Variants in CD226 observed in about 807,000 individuals in gnomAD.
The protein encoded by CD226 is CD226 molecule.
A neutral mutation model predicts 34.9 loss-of-function variants in CD226; 24 were observed. The ratio of observed to expected loss-of-function variants is 0.69; its 90% confidence interval spans 0.50 to 0.97. The LOEUF (loss-of-function observed/expected upper bound fraction) is 0.97. Among genes scored for constraint, CD226 ranks in the 50% least tolerant of loss-of-function variants. CD226 has a pLI of 0.00. For missense variants in CD226, 397 were observed against 412.7 expected (o/e 0.96, Z 0.33); for synonymous variants, 148 against 147.4 (o/e 1.00, Z -0.03).
intron 2 of CD226, among the ~76,000 whole-genome samples, chr18:69,922,930 G>A (rs891798927): frequency 6.6e-6 from 1 of 152,078 alleles, no homozygotes. Context: ...TCAGGAGTTC[G>A]AGACCAGCCT....
chr18:69,883,916 G>C (rs1009847), intron 3 of CD226, among the ~76,000 whole-genome samples: 30,942 of 152,222 alleles, frequency 0.2, 3,792 homozygotes, highest in Middle Eastern at 0.38. Context: ...CACAGCTCAG[G>C]TTTATGACAG....
intron 1 of CD226, among the ~76,000 whole-genome samples, chr18:69,954,392 T>C (rs2055879404): frequency 2.6e-5 from 4 of 152,210 alleles, no homozygotes; most frequent in Non-Finnish European, 5.9e-5. Flanking sequence ...TATGTGCTTA[T>C]TAAACAAATG....
chr18:69,864,223 G>T lies in CD226; in HGVS notation c.*91C>A. ...CTCAATTCAGACAACTAGTATCTAAGGTAGACCTTGGGTAGTGGAAAAAAA... is the reference window on the plus strand; with the variant it reads ...CTCAATTCAGACAACTAGTATCTAATGTAGACCTTGGGTAGTGGAAAAAAA... On this transcript the variant is annotated 3_prime_UTR_variant, in exon 6 of 6. Coordinates refer to ENST00000582621, the MANE Select transcript of CD226 (RefSeq NM_001303618.2). 1 of 1,139,428 alleles carries T rather than the reference G, an allele frequency of 8.8e-7. No individual in the cohort carries two copies. Among genetic ancestry groups the T allele is most frequent in the Non-Finnish European group, 1.3e-6 (1 of 778,870 alleles). The allele number at this position is 1,139,428 out of a possible 1,614,324, so 70.6% of individuals were successfully genotyped here.
At chr18:69,887,177 T>C (rs1478676741) in intron 3 of CD226, among the ~76,000 whole-genome samples, 1 of 152,244 alleles carries the variant, frequency 6.6e-6, no homozygotes, top group Admixed American at 6.5e-5. Flanking sequence ...GGATTTGGCA[T>C]GTGTGCATAT....
Position 69,854,279 on chromosome 18 carries a change from T to C in CD226, c.*10035A>G, listed in dbSNP as rs1982552512. The C allele has an allele frequency of 6.6e-6, 1 of 152,188 alleles. No individual in the cohort carries two copies. Among genetic ancestry groups the C allele is most frequent in the African/African-American group, 2.4e-5 (1 of 41,454 alleles). 9.4% of individuals were successfully genotyped at this position (152,188 alleles called of 1,614,324 possible). A position where few individuals can be genotyped will look rare whatever the true frequency, so the allele number is the denominator to read the frequency against. The stretch of plus-strand genomic sequence containing the variant: ...TACATCCAGAGAGATACGCAACCAA[T>C]AGCCATTTATCTGGAGTCAAAGCAC... On this transcript the variant is annotated 3_prime_UTR_variant, in exon 6 of 6. Coordinates refer to ENST00000582621, the MANE Select transcript of CD226 (RefSeq NM_001303618.2).
At chr18:69,936,129 G>A (rs926463339) in intron 2 of CD226, among the ~76,000 whole-genome samples, 29 of 152,182 alleles carry the variant, frequency 1.9e-4, no homozygotes, top group Non-Finnish European at 2.9e-4. Context: ...CTGTACCCGT[G>A]CCTGTACGTG....
At chr18:69,878,058 A>C (rs1983986956) in intron 3 of CD226, among the ~76,000 whole-genome samples, 1 of 152,200 alleles carries the variant, frequency 6.6e-6, no homozygotes, top group Admixed American at 6.5e-5. Context: ...ATGGGTACGG[A>C]TGCTTTGGGA....
intron 2 of CD226, among the ~76,000 whole-genome samples, chr18:69,923,902 C>T (rs1193810056): frequency 2.0e-5 from 3 of 149,982 alleles, no homozygotes; most frequent in Non-Finnish European, 3.0e-5. Flanking sequence ...TGCAGTGAGC[C>T]GAGATCGCGC....
intron 5 of CD226, among the ~76,000 whole-genome samples, chr18:69,865,483 C>T (rs993176783): frequency 6.6e-6 from 1 of 150,678 alleles, no homozygotes; most frequent in Admixed American, 6.6e-5. Flanking sequence ...TAATATAGAC[C>T]GTTGCAAAGC....
At chr18:69,906,753 T>TC (rs1423109452) in intron 2 of CD226, among the ~76,000 whole-genome samples, 9 of 152,266 alleles carry the variant, frequency 5.9e-5, no homozygotes, top group Admixed American at 5.9e-4. Flanking sequence ...AAAGATGAAA[T>TC]CTTTGCTTGG....
chr18:69,880,903 G>A (rs1028200224), intron 3 of CD226, among the ~76,000 whole-genome samples: 2 of 152,048 alleles, frequency 1.3e-5, no homozygotes, highest in South Asian at 2.1e-4. Context: ...CACCTGCCTC[G>A]GTCTCCTAAA....
chr18:69,864,075 G>A lies in CD226; in HGVS notation c.*239C>T. ...CTTGCCCAAAGCTTAATCTCCCCTGGATCATTCTGTTATATGATACAGTAA... is the reference window on the plus strand; with the variant it reads ...CTTGCCCAAAGCTTAATCTCCCCTGAATCATTCTGTTATATGATACAGTAA... On this transcript the variant is annotated 3_prime_UTR_variant, in exon 6 of 6. Transcript: ENST00000582621. 2.3e-6 allele frequency: 1 copy of A among 426,050 alleles called. No homozygotes were observed. The highest frequency in any genetic ancestry group is 4.2e-6 in the Non-Finnish European group (1 of 236,218). 26.4% of individuals were successfully genotyped at this position (426,050 alleles called of 1,614,324 possible).
intron 4 of CD226, among the ~76,000 whole-genome samples, chr18:69,867,849 C>T (rs572076174): frequency 5.3e-5 from 8 of 152,032 alleles, no homozygotes; most frequent in African/African-American, 1.9e-4. Context: ...CTAAATCACT[C>T]GTATGGATTA....
intron 2 of CD226, among the ~76,000 whole-genome samples, chr18:69,917,406 C>T (rs748112573): frequency 6.6e-6 from 1 of 152,148 alleles, no homozygotes; most frequent in African/African-American, 2.4e-5. Flanking sequence ...ATCTTTCCTT[C>T]CCTCCTTCTG....
intron 2 of CD226, among the ~76,000 whole-genome samples, chr18:69,912,347 A>G (rs1300840242): frequency 6.6e-6 from 1 of 152,234 alleles, no homozygotes; most frequent in Non-Finnish European, 1.5e-5. Context: ...TACAGGAAGA[A>G]ATTAGTGAAA....
At chr18:69,949,259 G>C (rs370801919), upstream of CD226, among the ~76,000 whole-genome samples, 9 of 152,174 alleles carry the variant, frequency 5.9e-5, no homozygotes, top group African/African-American at 1.9e-4. Flanking sequence ...ATTCCTGAGA[G>C]GAACATGGAG....
At chr18:69,918,774 C>T (rs1002321005) in intron 2 of CD226, among the ~76,000 whole-genome samples, 1 of 152,140 alleles carries the variant, frequency 6.6e-6, no homozygotes, top group Non-Finnish European at 1.5e-5. Flanking sequence ...CCACAGCCAT[C>T]AGCAGGCATC....
intron 2 of CD226, among the ~76,000 whole-genome samples, chr18:69,899,240 ACTAGCGCCTCC>A (rs1275307930): frequency 2.6e-5 from 4 of 152,254 alleles, no homozygotes; most frequent in African/African-American, 9.6e-5. Context: ...GCCCCTGCCC[ACTAGCGCCTCC>A]CTGGCTACTG....
At chr18:69,952,203 T>C (rs2055860326), upstream of CD226, among the ~76,000 whole-genome samples, 1 of 152,176 alleles carries the variant, frequency 6.6e-6, no homozygotes, top group Non-Finnish European at 1.5e-5. Context: ...TGTTCTCACT[T>C]ATAAATGGGA....
Sources: gnomAD v4.1 joint callset for allele counts (sites outside exome capture counted in the v4.1 genomes callset) on GRCh38, gnomAD v4.1.1 for gene constraint, MANE v1.5 for transcripts, NCBI Gene and HGNC (gene_info 2026-07-23, HGNC 2026-07-21) for gene names.